The following TENM4 variants were observed in gnomAD, a reference collection of about 807,000 sequenced individuals.
TENM4 encodes teneurin transmembrane protein 4.
Under a neutral mutation model 243.3 loss-of-function variants are expected in TENM4, and 82 were observed. That is an observed-to-expected ratio of 0.34 (90% CI 0.28 to 0.40). The LOEUF (loss-of-function observed/expected upper bound fraction) is 0.40. TENM4 is among the 10% of genes least tolerant of loss of function. TENM4 has a pLI of 1.00. For missense variants in TENM4, 3,138 were observed against 3,673.3 expected, an observed-to-expected ratio of 0.85 and a Z score of 3.77; for synonymous variants, 1,412 against 1,456.3, an observed-to-expected ratio of 0.97 and a Z score of 0.69.
chr11:79,384,525 A>G (rs1390930836), intron 1 of TENM4, among the ~76,000 whole-genome samples: 2 of 152,128 alleles, frequency 1.3e-5, no homozygotes, highest in Non-Finnish European at 2.9e-5. Flanking sequence ...CCAGTCTATC[A>G]CTGACTCACC....
At chr11:79,335,488 T>C (rs538821) in intron 1 of TENM4, among the ~76,000 whole-genome samples, 127,197 of 152,246 alleles carry the variant, frequency 0.84, 53,723 homozygotes, top group African/African-American at 0.93. Flanking sequence ...AACCATCCAT[T>C]GGTACATTTG....
chr11:78,863,390 G>A (rs926825644), intron 9 of TENM4, among the ~76,000 whole-genome samples: 2 of 152,210 alleles, frequency 1.3e-5, no homozygotes, highest in Non-Finnish European at 2.9e-5. Flanking sequence ...AGTCTCAGGA[G>A]GTCTTGGTCT....
At chr11:78,907,690 T>C (rs1856093124) in intron 6 of TENM4, among the ~76,000 whole-genome samples, 1 of 152,168 alleles carries the variant, frequency 6.6e-6, no homozygotes, top group Admixed American at 6.5e-5. Context: ...CTGTGCCTGA[T>C]GCATGGTAGG....
intron 1 of TENM4, among the ~76,000 whole-genome samples, chr11:79,317,089 C>T (rs1856814867): frequency 6.6e-6 from 1 of 152,188 alleles, no homozygotes; most frequent in Non-Finnish European, 1.5e-5. Context: ...AAAAGAATGA[C>T]TTTTAAAATA....
At chr11:79,301,869 T>C (rs1163110774) in intron 1 of TENM4, among the ~76,000 whole-genome samples, 1 of 152,158 alleles carries the variant, frequency 6.6e-6, no homozygotes, top group African/African-American at 2.4e-5. Context: ...TTATGGTAAG[T>C]TTCCTGAGGT....
chr11:78,713,706 T>C lies in TENM4; in HGVS notation c.3822-992A>G, dbSNP rs939847451. 3.9e-5 allele frequency among the ~76,000 whole-genome samples: 6 copies of C among 152,366 alleles called. No individual in the cohort carries two copies. In the South Asian group the frequency reaches 1.2e-3, roughly 32 times the overall value. On this transcript the variant is annotated intron_variant, in intron 25 of 33. Transcript: ENST00000278550. ...AAATAAAAAATGCAAAGTAGCATAG[T>C]GTAGTAGATGCTCAATAATAATTAT...
intron 12 of TENM4, among the ~76,000 whole-genome samples, chr11:78,842,082 G>GTC (rs10630082): frequency 1.3e-3 from 203 of 152,214 alleles, no homozygotes; most frequent in African/African-American, 4.2e-3. Context: ...CCAGGTAACT[G>GTC]TCTCAAATTC....
At chr11:78,930,791 G>C (rs1319527880) in intron 6 of TENM4, among the ~76,000 whole-genome samples, 2 of 152,166 alleles carry the variant, frequency 1.3e-5, no homozygotes, top group Non-Finnish European at 2.9e-5. Context: ...AAGCGGTGTG[G>C]ATAAGAGCCC....
At chr11:79,183,614 T>C (rs192876764) in intron 3 of TENM4, among the ~76,000 whole-genome samples, 1 of 152,324 alleles carries the variant, frequency 6.6e-6, no homozygotes, top group African/African-American at 2.4e-5. Flanking sequence ...TGGTTTGGGA[T>C]ATTGATGTGG....
chr11:79,042,482 G>A (rs1859559975), intron 6 of TENM4, among the ~76,000 whole-genome samples: 1 of 152,192 alleles, frequency 6.6e-6, no homozygotes, highest in Non-Finnish European at 1.5e-5. Context: ...AAGGGAGCTT[G>A]TTTGCTCCTT....
chr11:79,011,161 G>T (rs543209198), intron 6 of TENM4, among the ~76,000 whole-genome samples: 1 of 152,268 alleles, frequency 6.6e-6, no homozygotes, highest in Non-Finnish European at 1.5e-5. Flanking sequence ...AAAACCTTCC[G>T]TGAATCCAGA....
chr11:79,014,258 C>A (rs1858717888), intron 6 of TENM4, among the ~76,000 whole-genome samples: 1 of 152,194 alleles, frequency 6.6e-6, no homozygotes, highest in South Asian at 2.1e-4. Flanking sequence ...GCCAAGAGAA[C>A]CTTAGGAACC....
intron 6 of TENM4, among the ~76,000 whole-genome samples, chr11:78,969,127 T>C (rs1053386166): frequency 1.3e-5 from 2 of 152,234 alleles, no homozygotes; most frequent in African/African-American, 4.8e-5. Flanking sequence ...GCTCAGCCAA[T>C]ATTGATTTCG....
chr11:79,243,434 G>A (rs182996366), intron 2 of TENM4, among the ~76,000 whole-genome samples: 2 of 152,252 alleles, frequency 1.3e-5, no homozygotes, highest in African/African-American at 4.8e-5. Context: ...CCCAATCAGA[G>A]GGCAATGCTG....
intron 3 of TENM4, among the ~76,000 whole-genome samples, chr11:79,215,278 C>G (rs1450630494): frequency 6.6e-6 from 1 of 152,200 alleles, no homozygotes; most frequent in East Asian, 1.9e-4. Context: ...GGAAACGCTT[C>G]TAGAGAGCCA....
intron 2 of TENM4, among the ~76,000 whole-genome samples, chr11:79,248,098 G>GGCCT: frequency 6.6e-6 from 1 of 152,258 alleles, no homozygotes. Flanking sequence ...GCTTTGTGGT[G>GGCCT]GCCTGCCTTA....
chr11:78,768,220 C>T (rs1341046340), intron 18 of TENM4, among the ~76,000 whole-genome samples: 1 of 152,228 alleles, frequency 6.6e-6, no homozygotes, highest in Non-Finnish European at 1.5e-5. Flanking sequence ...GGGTGGACAG[C>T]CCACTGAACT....
chr11:78,766,706 A>ATTTT (rs10678115), intron 18 of TENM4, among the ~76,000 whole-genome samples: 5 of 144,184 alleles, frequency 3.5e-5, no homozygotes, highest in African/African-American at 1.0e-4. Flanking sequence ...GGCTCCCCCA[A>ATTTT]TTTTTTTTTT....
chr11:79,026,405 G>A (rs767036505), intron 6 of TENM4, among the ~76,000 whole-genome samples: 1 of 152,140 alleles, frequency 6.6e-6, no homozygotes, highest in Admixed American at 6.5e-5. Flanking sequence ...ATTGCCCAAG[G>A]AAGCGAGTGG....
Sources: allele counts gnomAD v4.1 joint callset (sites outside exome capture counted in the v4.1 genomes callset), GRCh38; gene constraint gnomAD v4.1.1; transcripts MANE v1.5; gene names NCBI Gene and HGNC (gene_info 2026-07-23, HGNC 2026-07-21).